The following EYA4 variants were observed in gnomAD, a reference collection of about 807,000 sequenced individuals.
The protein encoded by EYA4 is EYA transcriptional coactivator and phosphatase 4, also known as protein phosphatase EYA4.
Under a neutral mutation model 87.9 loss-of-function variants are expected in EYA4, and 31 were observed. That is an observed-to-expected ratio of 0.35 (90% CI 0.27 to 0.48). The LOEUF is 0.48. Ranked by LOEUF, EYA4 falls within the 20% of genes least tolerant of loss-of-function variation. The pLI, the probability that EYA4 is intolerant of heterozygous loss-of-function variation, is 0.99. For synonymous variants in EYA4, 263 were observed against 270.6 expected, an observed-to-expected ratio of 0.97 and a Z score of 0.28; for missense variants, 678 against 761.4, an observed-to-expected ratio of 0.89 and a Z score of 1.29.
intron 9 of EYA4, among the ~76,000 whole-genome samples, chr6:133,463,764 A>G (rs1794617590): frequency 6.6e-6 from 1 of 152,170 alleles, no homozygotes; most frequent in South Asian, 2.1e-4. Flanking sequence ...GCAAATCACA[A>G]ATTTGGGGCT....
At chr6:133,394,302 T>TTTG (rs1562369327) in intron 3 of EYA4, among the ~76,000 whole-genome samples, 7 of 145,260 alleles carry the variant, frequency 4.8e-5, no homozygotes, top group African/African-American at 1.8e-4. Context: ...TTTTTTTTTT[T>TTTG]TTTTTTTTTT....
At chr6:133,507,091 T>C (rs1486495474) in intron 14 of EYA4, among the ~76,000 whole-genome samples, 2 of 152,218 alleles carry the variant, frequency 1.3e-5, no homozygotes, top group East Asian at 1.9e-4. Context: ...AGAGGGAGAT[T>C]ACTACTACTG....
intron 1 of EYA4, chr6:133,247,634 A>G (rs1322429983): frequency 6.6e-6 from 1 of 152,156 alleles, no homozygotes; most frequent in Non-Finnish European, 1.5e-5. Flanking sequence ...ATTTTATAGT[A>G]TTTTTCCACT....
chr6:133,388,263 A>T (rs159413), intron 3 of EYA4, among the ~76,000 whole-genome samples: 2 of 151,568 alleles, frequency 1.3e-5, no homozygotes, highest in Non-Finnish European at 1.5e-5. Context: ...AAAAATTAGT[A>T]GGGCATAGTG....
In EYA4 at chr6:133,528,834, T is replaced by TTA; in HGVS notation, c.*33_*34dup. ...TGTTCTTTAGCCGGAGATCCATTTT[T>TTA]TATATTTCAAGTACACTGAATTTTT... On this transcript the variant is annotated 3_prime_UTR_variant, in exon 20 of 20. Transcript: ENST00000355286. The TTA allele has an allele frequency of 2.5e-6, 4 of 1,612,712 alleles. No individual in the cohort carries two copies. Among genetic ancestry groups the TTA allele is most frequent in the Non-Finnish European group, 1.7e-6 (2 of 1,178,876 alleles).
intron 13 of EYA4, among the ~76,000 whole-genome samples, chr6:133,489,601 T>TTA (rs979997929): frequency 3.3e-5 from 5 of 152,064 alleles, no homozygotes; most frequent in African/African-American, 1.2e-4. Flanking sequence ...TGGCATGACA[T>TTA]TTTTAAAGTG....
At chr6:133,465,815 A>G (rs2128667437) in intron 10 of EYA4, among the ~76,000 whole-genome samples, 1 of 152,286 alleles carries the variant, frequency 6.6e-6, no homozygotes, top group Admixed American at 6.6e-5. Flanking sequence ...TTTTATTGAT[A>G]TCACAAAAGG....
At chr6:133,291,804 G>C (rs1197815608) in intron 2 of EYA4, among the ~76,000 whole-genome samples, 2 of 152,140 alleles carry the variant, frequency 1.3e-5, no homozygotes, top group Non-Finnish European at 2.9e-5. Context: ...CCTTTCTTCT[G>C]TGATTTGCAT....
chr6:133,476,952 T>G (rs912842138), intron 11 of EYA4, among the ~76,000 whole-genome samples: 4 of 152,068 alleles, frequency 2.6e-5, no homozygotes, highest in Admixed American at 1.3e-4. Context: ...GGCAGTTTCC[T>G]CCATGCTGTT....
intron 1 of EYA4, among the ~76,000 whole-genome samples, chr6:133,252,575 G>C (rs115343851): frequency 6.6e-6 from 1 of 152,042 alleles, no homozygotes; most frequent in East Asian, 1.9e-4. Context: ...CATAATTTAA[G>C]CATATATGAA....
At chr6:133,504,324 C>T (rs146382350) in intron 13 of EYA4, among the ~76,000 whole-genome samples, 18 of 152,258 alleles carry the variant, frequency 1.2e-4, no homozygotes, top group Non-Finnish European at 8.8e-5. Context: ...CACTGGAAGA[C>T]GGATGAATCC....
intron 13 of EYA4, among the ~76,000 whole-genome samples, chr6:133,489,442 T>C (rs7773315): frequency 0.092 from 13,975 of 151,620 alleles, 1,273 homozygotes; most frequent in African/African-American, 0.22. Context: ...AAAAAGACTA[T>C]CTCAAAGCAT....
chr6:133,511,079 G>T (rs558615552), intron 14 of EYA4, among the ~76,000 whole-genome samples: 15 of 152,192 alleles, frequency 9.9e-5, no homozygotes, highest in African/African-American at 3.6e-4. Flanking sequence ...AACTTACCTG[G>T]ATTTTCAAGT....
At chr6:133,473,397 C>T (rs926352288) in intron 11 of EYA4, among the ~76,000 whole-genome samples, 3 of 152,034 alleles carry the variant, frequency 2.0e-5, no homozygotes, top group East Asian at 1.9e-4. Flanking sequence ...CAAGTAATTA[C>T]AATAGTGAGA....
chr6:133,394,497 T>A (rs1393740094), intron 3 of EYA4, among the ~76,000 whole-genome samples: 1 of 151,682 alleles, frequency 6.6e-6, no homozygotes, highest in Non-Finnish European at 1.5e-5. Flanking sequence ...TTTCCAAGGC[T>A]CCACAGACTT....
At chr6:133,332,503 G>C (rs1428613757) in intron 2 of EYA4, among the ~76,000 whole-genome samples, 1 of 151,760 alleles carries the variant, frequency 6.6e-6, no homozygotes, top group East Asian at 1.9e-4. Context: ...ATATTATTTT[G>C]GCAATTGGAA....
At chr6:133,337,513 A>G (rs1052493063) in intron 2 of EYA4, among the ~76,000 whole-genome samples, 1 of 152,200 alleles carries the variant, frequency 6.6e-6, no homozygotes, top group African/African-American at 2.4e-5. Context: ...AGAAAGATCC[A>G]AGATTTGGTA....
Position 133,439,049 on chromosome 6 carries a change from C to CAAAAAAAAAAAAAAAAAAAAAAAA in EYA4, c.84-7577_84-7554dup, listed in dbSNP as rs56261819. On this transcript the variant is annotated intron_variant, in intron 3 of 19. Transcript: ENST00000355286. The stretch of plus-strand genomic sequence containing the variant: ...TGGGTGACAAAGCGAGACTCCGTCT[C>CAAAAAAAAAAAAAAAAAAAAAAAA]AAAAAAAAAAAAAAAAAAAAAAAAA... Among the ~76,000 whole-genome samples, 30 of 64,032 alleles carry CAAAAAAAAAAAAAAAAAAAAAAAA rather than the reference C, an allele frequency of 4.7e-4. 1 individual carries two copies. Among genetic ancestry groups the CAAAAAAAAAAAAAAAAAAAAAAAA allele is most frequent in the East Asian group, 1.2e-3 (2 of 1,730 alleles). 42.0% of individuals were successfully genotyped at this position (64,032 alleles called of 152,430 possible). A position where few individuals can be genotyped will look rare whatever the true frequency, so the allele number is the denominator to read the frequency against.
rs141467489 is a variant in EYA4, at chr6:133,311,614, C to T, written c.33+36801C>T. Among the ~76,000 whole-genome samples, 25 of 151,284 alleles carry T rather than the reference C, an allele frequency of 1.7e-4. No homozygotes were observed. The East Asian group carries it at 3.1e-3, about 19-fold the overall frequency. On this transcript the variant is annotated intron_variant, in intron 2 of 19. Coordinates refer to ENST00000355286, the MANE Select transcript of EYA4 (RefSeq NM_004100.5). The stretch of plus-strand genomic sequence containing the variant: ...GATTACAGGTCTGAGCCACTGCACC[C>T]GGCTTAAATTTTAGATTAGATAACA...
Sources: gnomAD v4.1 joint callset for allele counts (sites outside exome capture counted in the v4.1 genomes callset) on GRCh38, gnomAD v4.1.1 for gene constraint, MANE v1.5 for transcripts, NCBI Gene and HGNC (gene_info 2026-07-23, HGNC 2026-07-21) for gene names.